Variants in PLCB4 observed in about 807,000 individuals in gnomAD.
PLCB4 encodes the protein phospholipase C beta 4, also known as 1-phosphatidylinositol 4,5-bisphosphate phosphodiesterase beta-4.
Under a neutral mutation model 178.8 loss-of-function variants are expected in PLCB4, and 77 were observed. That is an observed-to-expected ratio of 0.43 (90% CI 0.36 to 0.52). The LOEUF (loss-of-function observed/expected upper bound fraction) is 0.52, where lower values mean the gene tolerates loss of function less well. Among genes scored for constraint, PLCB4 ranks in the 20% least tolerant of loss-of-function variants. The probability of loss-of-function intolerance (pLI) is 0.00; values close to 1 mark genes in which losing one functional copy is unlikely to be tolerated. For missense variants in PLCB4, 1,024 were observed against 1,453.4 expected (o/e 0.70, Z 4.80); for synonymous variants, 496 against 490.8 (o/e 1.01, Z -0.14).
intron 2 of PLCB4, among the ~76,000 whole-genome samples, chr20:9,141,547 T>C (rs1446463108): frequency 1.3e-5 from 2 of 152,142 alleles, no homozygotes; most frequent in Non-Finnish European, 2.9e-5. Context: ...TAGATTGAGA[T>C]AAAGATGGGG....
chr20:9,429,723 A>G (rs2041265639), intron 28 of PLCB4, among the ~76,000 whole-genome samples: 1 of 152,204 alleles, frequency 6.6e-6, no homozygotes, highest in Admixed American at 6.5e-5. Flanking sequence ...ACCTATCCAT[A>G]TGTCTCACAT....
rs11087835 is a variant in PLCB4 at position 9,090,225 on chromosome 20, ATGTG to A, written c.-134-6042_-134-6039del. On this transcript the variant is annotated intron_variant, in intron 1 of 39. Coordinates refer to ENST00000378473, the MANE Select transcript of PLCB4 (RefSeq NM_001377142.1). ...TGTTATTTAATTGAGAATACTATTT[ATGTG>A]TGTGTGTGTGTGTGTGTGTCTGTGT... 8.0e-5 allele frequency among the ~76,000 whole-genome samples: 12 copies of A among 149,530 alleles called. No homozygotes were observed. The East Asian group carries it at 2.2e-3, about 27-fold the overall frequency.
At chr20:9,301,454 C>T (rs2094702426) in intron 3 of PLCB4, among the ~76,000 whole-genome samples, 1 of 152,008 alleles carries the variant, frequency 6.6e-6, no homozygotes, top group African/African-American at 2.4e-5. Context: ...GCAGCACTGA[C>T]TCTAAAGTTG....
intron 3 of PLCB4, among the ~76,000 whole-genome samples, chr20:9,220,120 G>T (rs1274613269): frequency 6.6e-6 from 1 of 152,012 alleles, no homozygotes; most frequent in African/African-American, 2.4e-5. Context: ...CCTCACCCTT[G>T]CATTAAGTGA....
chr20:9,423,641 C>T, intron 27 of PLCB4, 107 bp from the exon 28 acceptor site: 1 of 817,692 alleles, frequency 1.2e-6, no homozygotes, highest in South Asian at 1.6e-5. Flanking sequence ...TTACTTTCAA[C>T]ATCAGGGAAC....
chr20:9,431,516 A>G (rs909181816), intron 28 of PLCB4, among the ~76,000 whole-genome samples: 1 of 152,060 alleles, frequency 6.6e-6, no homozygotes, highest in Non-Finnish European at 1.5e-5. Context: ...CCCAGGCTGC[A>G]GTGCAGTGGC....
At chr20:9,464,531 T>C (rs2043630997) in intron 35 of PLCB4, among the ~76,000 whole-genome samples, 1 of 151,958 alleles carries the variant, frequency 6.6e-6, no homozygotes, top group South Asian at 2.1e-4. Context: ...GATAGACTGC[T>C]AGCAAGACTA....
intron 7 of PLCB4, among the ~76,000 whole-genome samples, chr20:9,341,941 A>G (rs1309833165): frequency 2.0e-5 from 3 of 152,174 alleles, no homozygotes; most frequent in Non-Finnish European, 4.4e-5. Context: ...TCTGGGAACT[A>G]TTACATCGAA....
intron 2 of PLCB4, among the ~76,000 whole-genome samples, chr20:9,171,879 T>C (rs776301015): frequency 6.6e-6 from 1 of 152,138 alleles, no homozygotes; most frequent in Non-Finnish European, 1.5e-5. Context: ...GAAAGAAATA[T>C]CAATCGATCT....
chr20:9,170,773 TCA>T (rs1382973445), intron 2 of PLCB4, among the ~76,000 whole-genome samples: 1 of 152,190 alleles, frequency 6.6e-6, no homozygotes, highest in East Asian at 1.9e-4. Context: ...TGATGTGGGT[TCA>T]CAGAGTCGGT....
chr20:9,381,752 A>T (rs902386177), intron 13 of PLCB4, among the ~76,000 whole-genome samples: 1 of 152,230 alleles, frequency 6.6e-6, no homozygotes, highest in Non-Finnish European at 1.5e-5. Context: ...TGGTACAACC[A>T]TCTTGGGGAA....
chr20:9,112,461 C>T (rs1034265322), intron 2 of PLCB4, among the ~76,000 whole-genome samples: 31 of 151,804 alleles, frequency 2.0e-4, no homozygotes, highest in African/African-American at 6.8e-4. Flanking sequence ...ACCATGTTGG[C>T]CAGGCAGGTC....
At chr20:9,301,871 A>G (rs2094708660) in intron 3 of PLCB4, among the ~76,000 whole-genome samples, 1 of 152,168 alleles carries the variant, frequency 6.6e-6, no homozygotes, top group Admixed American at 6.6e-5. Flanking sequence ...CCAGTTGCAC[A>G]AGGATTTAGA....
chr20:9,209,380 C>T (rs547988043), intron 2 of PLCB4, among the ~76,000 whole-genome samples: 8 of 152,108 alleles, frequency 5.3e-5, no homozygotes, highest in South Asian at 2.1e-4. Context: ...GGTGGCCCCC[C>T]GAGACTACTG....
At chr20:9,132,418 T>C (rs562694102) in intron 2 of PLCB4, among the ~76,000 whole-genome samples, 219 of 152,320 alleles carry the variant, frequency 1.4e-3, no homozygotes, top group African/African-American at 5.1e-3. Context: ...GTAATAGCTC[T>C]TTTATTCATT....
intron 3 of PLCB4, among the ~76,000 whole-genome samples, chr20:9,274,676 A>G (rs925283375): frequency 2.0e-5 from 3 of 151,876 alleles, no homozygotes; most frequent in African/African-American, 7.3e-5. Flanking sequence ...CTTTGCCTCT[A>G]CTCTTTGTTT....
chr20:9,264,137 C>T (rs1327111060), intron 3 of PLCB4, among the ~76,000 whole-genome samples: 1 of 152,140 alleles, frequency 6.6e-6, no homozygotes, highest in Non-Finnish European at 1.5e-5. Flanking sequence ...AAGAAACTCA[C>T]CAGGTAGAAC....
chr20:9,182,293 C>T (rs2093259421), intron 2 of PLCB4, among the ~76,000 whole-genome samples: 2 of 152,050 alleles, frequency 1.3e-5, no homozygotes, highest in African/African-American at 4.8e-5. Flanking sequence ...TTTTTCTTAT[C>T]CTTAGGCTAT....
intron 3 of PLCB4, among the ~76,000 whole-genome samples, chr20:9,304,721 C>T (rs1038647172): frequency 3.3e-5 from 5 of 152,050 alleles, no homozygotes; most frequent in African/African-American, 1.2e-4. Context: ...ATATTAATGG[C>T]AGTTAATGTG....
Sources: gnomAD v4.1 joint callset for allele counts (sites outside exome capture counted in the v4.1 genomes callset) on GRCh38, gnomAD v4.1.1 for gene constraint, MANE v1.5 for transcripts, NCBI Gene and HGNC (gene_info 2026-07-23, HGNC 2026-07-21) for gene names.